Variants in TMIGD3 observed in about 807,000 individuals in gnomAD.
TMIGD3 encodes the protein transmembrane and immunoglobulin domain containing 3.
TMIGD3 carries 21 observed loss-of-function variants against 28.1 expected under a neutral mutation model. The ratio of observed to expected loss-of-function variants is 0.75; its 90% CI spans 0.53 to 1.08. The LOEUF is 1.08. Among genes scored for constraint, TMIGD3 ranks in the 50% least tolerant of loss-of-function variants. The pLI is 0.00. For missense variants in TMIGD3, 416 were observed against 435.6 expected (o/e 0.96, Z 0.40); for synonymous variants, 151 against 162.1 (o/e 0.93, Z 0.52).
chr1:111,499,892 A>C, intron 1 of TMIGD3: 1 of 1,585,814 alleles, frequency 6.3e-7, no homozygotes, highest in South Asian at 1.2e-5. Flanking sequence ...CAGGCCCTCA[A>C]GTGTTTGTTG....
intron 1 of TMIGD3, among the ~76,000 whole-genome samples, chr1:111,526,549 T>A (rs1466728493): frequency 6.6e-6 from 1 of 152,164 alleles, no homozygotes; most frequent in Non-Finnish European, 1.5e-5. Context: ...GTCTTGGGTA[T>A]GTCTTTATTA....
At chr1:111,539,678 T>G (rs1467158442) in intron 1 of TMIGD3, among the ~76,000 whole-genome samples, 1 of 151,988 alleles carries the variant, frequency 6.6e-6, no homozygotes, top group African/African-American at 2.4e-5. Flanking sequence ...TTACACAATA[T>G]CCCCCTACTC....
intron 1 of TMIGD3, among the ~76,000 whole-genome samples, chr1:111,529,992 C>T (rs555651444): frequency 0.2 from 16,699 of 82,414 alleles, 1,756 homozygotes; most frequent in Admixed American, 0.4. Flanking sequence ...GCTGGCCGGG[C>T]GGGGCGCTGA....
intron 1 of TMIGD3, among the ~76,000 whole-genome samples, chr1:111,548,984 A>G (rs1360157091): frequency 1.3e-5 from 2 of 152,222 alleles, no homozygotes; most frequent in Non-Finnish European, 1.5e-5. Flanking sequence ...AGTGCAAAAA[A>G]TTGAAATCCA....
chr1:111,487,840 G>A (rs1247850346), intron 3 of TMIGD3, among the ~76,000 whole-genome samples: 1 of 152,154 alleles, frequency 6.6e-6, no homozygotes, highest in Non-Finnish European at 1.5e-5. Flanking sequence ...GTCTCATTCT[G>A]TCATCCAGGC....
chr1:111,501,474 C>A (rs1252427787), intron 1 of TMIGD3: 1 of 152,142 alleles, frequency 6.6e-6, no homozygotes, highest in East Asian at 1.9e-4. Flanking sequence ...TTATTGATGG[C>A]AATTGTGAAA....
intron 1 of TMIGD3, among the ~76,000 whole-genome samples, chr1:111,529,910 C>T (rs1392951467): frequency 4.7e-5 from 7 of 148,012 alleles, no homozygotes; most frequent in Non-Finnish European, 8.9e-5. Flanking sequence ...GGCGGCTGGC[C>T]GGGCAGAGGG....
chr1:111,531,800 CT>C (rs1370726520), intron 1 of TMIGD3, among the ~76,000 whole-genome samples: 1 of 152,160 alleles, frequency 6.6e-6, no homozygotes, highest in African/African-American at 2.4e-5. Context: ...GATCCTACTG[CT>C]TCTGCCTCCC....
At chr1:111,496,629 C>T (rs1230892897) in intron 1 of TMIGD3, among the ~76,000 whole-genome samples, 1 of 152,200 alleles carries the variant, frequency 6.6e-6, no homozygotes, top group African/African-American at 2.4e-5. Context: ...TCCTCTCTCA[C>T]CTCCTTTGGT....
At chr1:111,511,400 G>A (rs1655687982) in intron 1 of TMIGD3, among the ~76,000 whole-genome samples, 1 of 152,164 alleles carries the variant, frequency 6.6e-6, no homozygotes, top group African/African-American at 2.4e-5. Flanking sequence ...CTCCTTCCCT[G>A]TAAGAATGCT....
At position 111,485,838 on chromosome 1, in the gene TMIGD3, G is replaced by A. The variant is rs116703058; in HGVS notation, c.875C>T (p.Thr292Met). 8.5e-5 allele frequency: 137 copies of A among 1,606,312 alleles called. No homozygotes were observed. The African/African-American group carries it at 1.2e-3, about 15-fold the overall frequency. Residue 292 changes from threonine to methionine, a missense_variant and splice_region_variant, in exon 5 of 6, where the codon ACG (threonine) becomes ATG (methionine). Physicochemically the swap from Thr to Met is moderately conservative, Grantham distance 81 (BLOSUM62 -1). Coordinates refer to ENST00000369716, the MANE Select transcript of TMIGD3 (RefSeq NM_020683.7). The part of the protein sequence containing the change: ...KVVRKADRSR[T>M]SILIICILIT... ...CAGTATGCAAATGATGAGAATGGAC[G>A]TCCTAGAAGGAACCACAGCAGATTT...
chr1:111,559,131 AAAT>A (rs1404918437), intron 1 of TMIGD3, among the ~76,000 whole-genome samples: 1 of 152,186 alleles, frequency 6.6e-6, no homozygotes, highest in Non-Finnish European at 1.5e-5. Context: ...ACTAAGTGAT[AAAT>A]AATAATAATG....
chr1:111,524,541 A>G (rs1191664877), intron 1 of TMIGD3, among the ~76,000 whole-genome samples: 1 of 152,172 alleles, frequency 6.6e-6, no homozygotes, highest in African/African-American at 2.4e-5. Context: ...GCACTGCTTT[A>G]GCTGTGTTCT....
Position 111,485,794 on chromosome 1 carries a change from T to C in TMIGD3, c.919A>G (p.Ile307Val). Residue 307 changes from isoleucine (I) to valine (V), a missense_variant, in exon 5 of 6, where the codon ATC (isoleucine) becomes GTC (valine). Physicochemically the swap from Ile to Val is conservative, Grantham distance 29. Coordinates refer to ENST00000369716, the MANE Select transcript of TMIGD3 (RefSeq NM_020683.7). Reference protein sequence around the residue: ...ICILITGLGIISVISHLTKRR... With the variant: ...ICILITGLGIVSVISHLTKRR... The stretch of plus-strand genomic sequence containing the variant: ...TTGGTCAAATGACTGATTACAGAGA[T>C]GATTCCCAAACCCGTGATCAGTATG... 1 of 1,607,388 alleles carries C rather than the reference T, an allele frequency of 6.2e-7. No individual in the cohort carries two copies.
intron 1 of TMIGD3, among the ~76,000 whole-genome samples, chr1:111,549,138 T>C (rs1278164296): frequency 6.6e-6 from 1 of 152,212 alleles, no homozygotes; most frequent in Non-Finnish European, 1.5e-5. Flanking sequence ...TCTGTTATTT[T>C]CTTTTCCCTG....
chr1:111,500,503 C>T, intron 1 of TMIGD3: 1 of 1,614,204 alleles, frequency 6.2e-7, no homozygotes, highest in Non-Finnish European at 8.5e-7. Flanking sequence ...TGACACCAGC[C>T]AGCAAAGGCC....
intron 1 of TMIGD3, among the ~76,000 whole-genome samples, chr1:111,491,093 C>A (rs1654638330): frequency 6.6e-6 from 1 of 152,270 alleles, no homozygotes; most frequent in Non-Finnish European, 1.5e-5. Flanking sequence ...TCAGAGGCCA[C>A]TCCTTTTGTC....
At chr1:111,534,366 G>A (rs1395814996) in intron 1 of TMIGD3, among the ~76,000 whole-genome samples, 4 of 152,152 alleles carry the variant, frequency 2.6e-5, no homozygotes, top group Admixed American at 2.0e-4. Flanking sequence ...CGACAATCTT[G>A]GCATCCTGGG....
intron 1 of TMIGD3, among the ~76,000 whole-genome samples, chr1:111,521,289 A>G (rs1416279588): frequency 6.6e-6 from 1 of 152,158 alleles, no homozygotes; most frequent in Non-Finnish European, 1.5e-5. Context: ...TTTGGGGTAA[A>G]TACCTCGTTA....
Sources: gnomAD v4.1 joint callset for allele counts (sites outside exome capture counted in the v4.1 genomes callset) on GRCh38, gnomAD v4.1.1 for gene constraint, MANE v1.5 for transcripts, NCBI Gene and HGNC (gene_info 2026-07-23, HGNC 2026-07-21) for gene names.